Variants in HTR2C observed in about 807,000 individuals in gnomAD.
The protein encoded by HTR2C is 5-hydroxytryptamine (serotonin) receptor 2C, G protein-coupled.
HTR2C carries 5 observed loss-of-function variants against 21.0 expected under a neutral mutation model. The ratio of observed to expected loss-of-function variants is 0.24; its 90% CI spans 0.12 to 0.50. HTR2C has a LOEUF of 0.50. Among genes scored for constraint, HTR2C ranks in the 20% least tolerant of loss-of-function variants. The pLI, the probability that HTR2C is intolerant of heterozygous loss-of-function variation, is 0.98. For missense variants in HTR2C, 271 were observed against 371.2 expected, an observed-to-expected ratio of 0.73 and a Z score of 2.22; for synonymous variants, 150 against 145.3, an observed-to-expected ratio of 1.03 and a Z score of -0.23.
At chrX:114,605,348 C>T (rs1381656144) in intron 1 of HTR2C, among the ~76,000 whole-genome samples, 8 of 109,117 alleles carry the variant, frequency 7.3e-5, no homozygotes, top group African/African-American at 2.7e-4. Flanking sequence ...CTCGGCATGG[C>T]GAGGAGCAGC....
At chrX:114,729,800 A>T (rs2069518092) in intron 3 of HTR2C, among the ~76,000 whole-genome samples, 1 of 111,237 alleles carries the variant, frequency 9.0e-6, no homozygotes, top group Non-Finnish European at 1.9e-5. Context: ...TGACATAAAA[A>T]TACATAATAT....
chrX:114,755,522 G>A (rs1556429825), intron 4 of HTR2C, among the ~76,000 whole-genome samples: 1 of 111,103 alleles, frequency 9.0e-6, no homozygotes, highest in Admixed American at 9.6e-5. Flanking sequence ...GAGGATACAA[G>A]TGTTTGTATT....
intron 4 of HTR2C, among the ~76,000 whole-genome samples, chrX:114,737,277 A>T (rs1016151256): frequency 8.8e-5 from 9 of 101,777 alleles, no homozygotes; most frequent in Non-Finnish European, 1.4e-4. Context: ...CCTAGGCTGG[A>T]GTGCAGTGGT....
intron 4 of HTR2C, among the ~76,000 whole-genome samples, chrX:114,747,271 A>C (rs1293557887): frequency 2.7e-5 from 3 of 112,594 alleles, no homozygotes; most frequent in African/African-American, 9.7e-5. Flanking sequence ...ATCCTTAAGC[A>C]GACGTTGTAC....
chrX:114,708,771 C>T (rs1932847719), intron 2 of HTR2C, among the ~76,000 whole-genome samples: 1 of 107,811 alleles, frequency 9.3e-6, no homozygotes, highest in African/African-American at 3.3e-5. Context: ...CATGCCACTG[C>T]ACTCCAGCTT....
intron 1 of HTR2C, among the ~76,000 whole-genome samples, chrX:114,596,418 CTT>C (rs1927848421): frequency 8.9e-6 from 1 of 111,821 alleles, no homozygotes; most frequent in Non-Finnish European, 1.9e-5. Context: ...TAGAAATTGT[CTT>C]ATTCCTTTAT....
intron 2 of HTR2C, among the ~76,000 whole-genome samples, chrX:114,630,223 A>G (rs1470893614): frequency 8.9e-6 from 1 of 112,139 alleles, no homozygotes; most frequent in African/African-American, 3.2e-5. Context: ...ATATATGCCA[A>G]CATAAAATAG....
chrX:114,664,722 T>C (rs1373235694), intron 2 of HTR2C, among the ~76,000 whole-genome samples: 2 of 111,742 alleles, frequency 1.8e-5, no homozygotes, highest in African/African-American at 3.3e-5. Flanking sequence ...CTGTATTCAT[T>C]TGGGTATATA....
intron 2 of HTR2C, among the ~76,000 whole-genome samples, chrX:114,701,312 A>T (rs781842861): frequency 1.8e-5 from 2 of 111,582 alleles, no homozygotes; most frequent in South Asian, 7.5e-4. Context: ...AGGCACCCCC[A>T]AGTAGGGGCA....
chrX:114,643,599 C>A (rs193215389), intron 2 of HTR2C, among the ~76,000 whole-genome samples: 2 of 110,429 alleles, frequency 1.8e-5, no homozygotes, highest in Non-Finnish European at 3.8e-5. Flanking sequence ...CAAATTAATC[C>A]GTTTTAACAG....
chrX:114,844,308 T>C (rs2070857715), intron 4 of HTR2C, among the ~76,000 whole-genome samples: 1 of 111,380 alleles, frequency 9.0e-6, no homozygotes, highest in Non-Finnish European at 1.9e-5. Context: ...TAAAACTTGA[T>C]TGTTATGGAA....
intron 4 of HTR2C, among the ~76,000 whole-genome samples, chrX:114,839,230 A>G (rs2070813029): frequency 8.9e-6 from 1 of 112,094 alleles, no homozygotes; most frequent in South Asian, 3.7e-4. Flanking sequence ...AAGAACAACT[A>G]CCTTAAGGTA....
chrX:114,695,377 G>A (rs1461041761), intron 2 of HTR2C, among the ~76,000 whole-genome samples: 1 of 111,615 alleles, frequency 9.0e-6, no homozygotes, highest in East Asian at 2.8e-4. Context: ...TTGTGCATGA[G>A]TAGAGACAAG....
At chrX:114,631,775 G>C (rs1471508255) in intron 2 of HTR2C, among the ~76,000 whole-genome samples, 1 of 111,073 alleles carries the variant, frequency 9.0e-6, no homozygotes, top group Non-Finnish European at 1.9e-5. Context: ...TTATAAGTTA[G>C]AACTACATTC....
chrX:114,903,358 T>G (rs976143541), intron 5 of HTR2C, among the ~76,000 whole-genome samples: 4 of 112,643 alleles, frequency 3.6e-5, no homozygotes, highest in African/African-American at 9.7e-5. Context: ...AATACCTGTC[T>G]TATAAAGTTT....
intron 5 of HTR2C, among the ~76,000 whole-genome samples, chrX:114,876,422 CTTTT>C (rs60498146): frequency 1.6e-5 from 1 of 62,393 alleles, no homozygotes; most frequent in Non-Finnish European, 2.8e-5. Flanking sequence ...CTTTTTCTTT[CTTTT>C]TTTTTTTTTT....
chrX:114,761,724 G>T (rs1556432371), intron 4 of HTR2C, among the ~76,000 whole-genome samples: 1 of 108,188 alleles, frequency 9.2e-6, no homozygotes, highest in Non-Finnish European at 1.9e-5. Context: ...TTAAGCACAG[G>T]CCTATAAAAC....
chrX:114,845,108 A>G (rs937430163), intron 4 of HTR2C, among the ~76,000 whole-genome samples: 9 of 111,556 alleles, frequency 8.1e-5, no homozygotes, highest in Non-Finnish European at 1.5e-4. Flanking sequence ...GGGATGGACC[A>G]TAAGTTTTAC....
intron 5 of HTR2C, among the ~76,000 whole-genome samples, chrX:114,853,191 A>G (rs1484822428): frequency 8.9e-6 from 1 of 111,755 alleles, no homozygotes; most frequent in African/African-American, 3.2e-5. Flanking sequence ...TGCCATTGCT[A>G]AATCAGTTTT....
Sources: gnomAD v4.1 joint callset for allele counts (sites outside exome capture counted in the v4.1 genomes callset) on GRCh38, gnomAD v4.1.1 for gene constraint, MANE v1.5 for transcripts, NCBI Gene and HGNC (gene_info 2026-07-23, HGNC 2026-07-21) for gene names.